ZNF503: variants seen among roughly 807,000 people sequenced by gnomAD.
ZNF503 encodes zinc finger protein 503.
ZNF503 carries 15 observed loss-of-function variants against 34.4 expected under a neutral mutation model. That is an observed-to-expected ratio of 0.44 (90% CI 0.29 to 0.67). ZNF503 has a LOEUF of 0.67. ZNF503 is among the 30% of genes least tolerant of loss of function. ZNF503 has a pLI of 0.13. For missense variants in ZNF503, 1,007 were observed against 926.8 expected (o/e 1.09, Z -1.12); for synonymous variants, 580 against 456.8 (o/e 1.27, Z -3.44).
At chr10:75,346,093 T>C in the ZNF503 span, among the ~76,000 whole-genome samples, 1 of 152,196 alleles carries the variant, frequency 6.6e-6, no homozygotes, top group Admixed American at 6.5e-5. Flanking sequence ...AAGCATCTCT[T>C]GTTCTTGGAC....
chr10:75,366,538 G>T, the ZNF503 span, among the ~76,000 whole-genome samples: 1 of 152,222 alleles, frequency 6.6e-6, no homozygotes, highest in Admixed American at 6.5e-5. Context: ...TAACCGCTCT[G>T]CCTCTGTGTC....
the ZNF503 span, among the ~76,000 whole-genome samples, chr10:75,339,030 C>T: frequency 6.6e-6 from 1 of 152,030 alleles, no homozygotes; most frequent in Non-Finnish European, 1.5e-5. Context: ...GAGTTTGAGA[C>T]CAGCCTGGGA....
chr10:75,383,637 G>A, the ZNF503 span, among the ~76,000 whole-genome samples: 1 of 152,336 alleles, frequency 6.6e-6, no homozygotes, highest in Non-Finnish European at 1.5e-5. Flanking sequence ...CTCTTCGGTA[G>A]TTAAATCAAC....
At chr10:75,284,445 G>A in the ZNF503 span, among the ~76,000 whole-genome samples, 1 of 151,958 alleles carries the variant, frequency 6.6e-6, no homozygotes, top group African/African-American at 2.4e-5. Context: ...AAGGGGACTG[G>A]AGGGCGATGG....
chr10:75,398,773 G>A lies in ZNF503; in HGVS notation c.1917C>T (p.Thr639=), dbSNP rs746127513. The stretch of plus-strand genomic sequence containing the variant: ...CTCACTGATACCCCAGCGCCGAGGC[G>A]GTGGTCAGTCTCTGTCCGTAGAGGG... ...PYALYGQRLT[T]ASALGYQ The change falls in exon 2 of 2, where the codon ACC becomes ACT. Residue 639 remains threonine, a synonymous_variant. Coordinates refer to ENST00000372524, the MANE Select transcript of ZNF503 (RefSeq NM_032772.6). 4.9e-6 allele frequency: 7 copies of A among 1,425,898 alleles called. No homozygotes were observed. Among genetic ancestry groups the A allele is most frequent in the Non-Finnish European group, 6.4e-6 (7 of 1,094,412 alleles). The allele number at this position is 1,425,898 out of a possible 1,614,324, so 88.3% of individuals were successfully genotyped here. A position where few individuals can be genotyped will look rare whatever the true frequency, so the allele number is the denominator to read the frequency against.
the ZNF503 span, among the ~76,000 whole-genome samples, chr10:75,298,760 A>AT: frequency 2.6e-3 from 396 of 152,210 alleles, 1 homozygote; most frequent in African/African-American, 9.0e-3. Flanking sequence ...TTAACTTAAA[A>AT]TTTTTTAATA....
the ZNF503 span, among the ~76,000 whole-genome samples, chr10:75,306,866 C>T: frequency 1.3e-5 from 2 of 152,174 alleles, no homozygotes; most frequent in East Asian, 3.8e-4. Flanking sequence ...AGATGGTGAA[C>T]TTAACTGATG....
At chr10:75,384,415 C>T in the ZNF503 span, among the ~76,000 whole-genome samples, 12 of 152,154 alleles carry the variant, frequency 7.9e-5, no homozygotes, top group South Asian at 4.1e-4. Context: ...CCAGCACACA[C>T]TCATAAACAC....
At chr10:75,283,543 C>G in the ZNF503 span, among the ~76,000 whole-genome samples, 1 of 152,144 alleles carries the variant, frequency 6.6e-6, no homozygotes, top group Non-Finnish European at 1.5e-5. Flanking sequence ...GTGGAGAGAA[C>G]TGTCGTCCCC....
chr10:75,325,252 T>C, the ZNF503 span, among the ~76,000 whole-genome samples: 1 of 152,186 alleles, frequency 6.6e-6, no homozygotes, highest in African/African-American at 2.4e-5. Flanking sequence ...ACTCTATTTG[T>C]CTGGGTCTAT....
At chr10:75,300,801 G>T in the ZNF503 span, among the ~76,000 whole-genome samples, 1 of 146,572 alleles carries the variant, frequency 6.8e-6, no homozygotes, top group Non-Finnish European at 1.5e-5. Flanking sequence ...TGCCTTCCGG[G>T]TTCAAGTGAT....
chr10:75,291,161 T>G, the ZNF503 span, among the ~76,000 whole-genome samples: 1 of 152,238 alleles, frequency 6.6e-6, no homozygotes, highest in Non-Finnish European at 1.5e-5. Context: ...GATGTCACTT[T>G]GCCATCCTGA....
the ZNF503 span, chr10:75,382,931 G>A: frequency 2.8e-5 from 6 of 211,362 alleles, no homozygotes; most frequent in South Asian, 5.6e-4. Context: ...CTGACCTCAT[G>A]TTCTAGGGAT....
chr10:75,382,399 T>C, the ZNF503 span: 2 of 367,588 alleles, frequency 5.4e-6, no homozygotes, highest in Non-Finnish European at 5.4e-6. Flanking sequence ...TCAACTTGTA[T>C]TCCTCTGTTT....
Position 75,401,197 on chromosome 10 carries a change from T to A in ZNF503, c.223A>T (p.Lys75Ter). Residue 75 changes from lysine to a stop codon, truncating the protein, a stop_gained, in exon 1 of 2, where the codon AAG becomes TAG. Transcript: ENST00000372524. LOFTEE classifies it high-confidence loss of function. ...PLRQANRLPIKVLKMLTARTG... is the reference protein window; with the variant it reads ...PLRQANRLPI Reference sequence around the variant, plus strand: ...CGTGCCGTCAGCATCTTCAGCACCTTGATTGGCAGGCGGTTGGCCTGGCGC... The same window carrying A: ...CGTGCCGTCAGCATCTTCAGCACCTAGATTGGCAGGCGGTTGGCCTGGCGC... The A allele has an allele frequency of 6.2e-7, 1 of 1,609,136 alleles. No homozygotes were observed. Among genetic ancestry groups the A allele is most frequent in the Non-Finnish European group, 8.5e-7 (1 of 1,177,270 alleles).
At chr10:75,370,835 T>A in the ZNF503 span, among the ~76,000 whole-genome samples, 9 of 140,466 alleles carry the variant, frequency 6.4e-5, no homozygotes, top group South Asian at 2.1e-3. Context: ...TGTTTTACAG[T>A]GAGATACATT....
At chr10:75,319,208 C>T in the ZNF503 span, among the ~76,000 whole-genome samples, 2 of 152,040 alleles carry the variant, frequency 1.3e-5, no homozygotes, top group African/African-American at 4.8e-5. Flanking sequence ...TCAAGCAATC[C>T]CTCCCAAAGT....
the ZNF503 span, among the ~76,000 whole-genome samples, chr10:75,380,771 G>GA: frequency 1.3e-5 from 2 of 152,120 alleles, no homozygotes; most frequent in African/African-American, 2.4e-5. Flanking sequence ...AGACAAAGGG[G>GA]AAAAAATGTG....
the ZNF503 span, chr10:75,382,803 T>C: frequency 3.2e-6 from 1 of 309,198 alleles, no homozygotes; most frequent in Non-Finnish European, 6.5e-6. Flanking sequence ...TCCCAAATCC[T>C]TGCAGAATTC....
Sources: gnomAD v4.1 joint callset for allele counts (sites outside exome capture counted in the v4.1 genomes callset) on GRCh38, gnomAD v4.1.1 for gene constraint, MANE v1.5 for transcripts, NCBI Gene and HGNC (gene_info 2026-07-23, HGNC 2026-07-21) for gene names.